The following PSEN2 variants were observed in gnomAD, a reference collection of about 807,000 sequenced individuals.
PSEN2 encodes presenilin-2.
In PSEN2, 32 loss-of-function variants were observed where a neutral mutation model predicts 49.1. That is an observed-to-expected ratio of 0.65 (90% CI 0.49 to 0.88). PSEN2 has a LOEUF of 0.88. PSEN2 is among the 40% of genes least tolerant of loss of function. The pLI, the probability that PSEN2 is intolerant of heterozygous loss-of-function variation, is 0.00. For synonymous variants in PSEN2, 255 were observed against 244.0 expected (o/e 1.05, Z -0.42); for missense variants, 522 against 586.9 (o/e 0.89, Z 1.14).
intron 5 of PSEN2, 59 bp downstream of exon 5, chr1:226,883,978 G>T: frequency 1.6e-6 from 2 of 1,279,198 alleles, no homozygotes; most frequent in Non-Finnish European, 1.1e-6. Flanking sequence ...CAGGGGGTGG[G>T]GGGCGCAGCA....
intron 12 of PSEN2, among the ~76,000 whole-genome samples, chr1:226,894,438 C>G (rs960827642): frequency 6.6e-6 from 1 of 152,254 alleles, no homozygotes; most frequent in Non-Finnish European, 1.5e-5. Context: ...TGATGATACC[C>G]TCGAGGTGGT....
In PSEN2 at chr1:226,885,747, C is replaced by G. The variant is rs541495335; in HGVS notation, c.498+68C>G. On this transcript the variant is annotated intron_variant, in intron 6 of 12. Transcript: ENST00000366783. ...TGCCCCACACCATGGCGGCAGGGCC[C>G]GTGAAACAGCCGCCTTTAGAAAAAC... 1.1e-4 allele frequency: 180 copies of G among 1,582,290 alleles called. 1 individual carries two copies. The African/African-American group carries it at 2.1e-3, about 18-fold the overall frequency.
At chr1:226,871,819 T>C (rs1660315252) in intron 2 of PSEN2, among the ~76,000 whole-genome samples, 2 of 152,244 alleles carry the variant, frequency 1.3e-5, no homozygotes, top group Admixed American at 6.5e-5. Context: ...GGTTCTTCTC[T>C]CCTGAATGTG....
intron 5 of PSEN2, chr1:226,884,718 A>G (rs1459796322): frequency 6.6e-6 from 1 of 152,048 alleles, no homozygotes; most frequent in Non-Finnish European, 1.5e-5. Context: ...GTTTGAGACC[A>G]GCCTGGGAAA....
At chr1:226,872,757 C>T (rs1042387980) in intron 2 of PSEN2, among the ~76,000 whole-genome samples, 9 of 152,210 alleles carry the variant, frequency 5.9e-5, no homozygotes, top group Non-Finnish European at 1.0e-4. Flanking sequence ...GTATTCCCAC[C>T]TGTTCTATTC....
chr1:226,900,627 G>A (rs1662286887), downstream of PSEN2, among the ~76,000 whole-genome samples: 2 of 152,202 alleles, frequency 1.3e-5, no homozygotes, highest in Non-Finnish European at 2.9e-5. Context: ...TGGTGGTAGG[G>A]AGGAAGGGTC....
At position 226,895,717 on chromosome 1, in the gene PSEN2, G is replaced by A. The variant is rs917857514; in HGVS notation, c.*138G>A. On this transcript the variant is annotated 3_prime_UTR_variant, in exon 13 of 13. Transcript: ENST00000366783. ...AAAGTACGTGTTTACTTGGTGAGGA[G>A]GAGGCAGAACCAGCTCTTTGGTGCC... 2.7e-6 allele frequency: 3 copies of A among 1,112,900 alleles called. No individual in the cohort carries two copies. Among genetic ancestry groups the A allele is most frequent in the Admixed American group, 2.2e-5 (1 of 45,290 alleles). 68.9% of individuals were successfully genotyped at this position (1,112,900 alleles called of 1,614,324 possible).
At chr1:226,880,337 A>T in intron 3 of PSEN2, 1 of 406,186 alleles carries the variant, frequency 2.5e-6, no homozygotes, top group Non-Finnish European at 4.3e-6. Flanking sequence ...TGATTGCACC[A>T]CTGTACTCCA....
downstream of PSEN2, among the ~76,000 whole-genome samples, chr1:226,897,108 G>C (rs998209337): frequency 1.3e-5 from 2 of 152,140 alleles, no homozygotes; most frequent in Admixed American, 1.3e-4. Context: ...GACCTGGGAT[G>C]GGGGGCATTG....
chr1:226,878,661 G>T (rs889503898), intron 3 of PSEN2, among the ~76,000 whole-genome samples: 26 of 152,142 alleles, frequency 1.7e-4, no homozygotes, highest in African/African-American at 6.0e-4. Context: ...TCCCAGAACT[G>T]CTCCTCCAGT....
At chr1:226,891,882 C>T (rs372305083) in intron 11 of PSEN2, 38 bp downstream of exon 11, 15 of 1,576,050 alleles carry the variant, frequency 9.5e-6, no homozygotes, top group East Asian at 4.5e-5. Context: ...CTTCAGCCTA[C>T]GGCGGGAGCG....
intron 6 of PSEN2, among the ~76,000 whole-genome samples, chr1:226,886,021 A>G (rs1661342687): frequency 6.6e-6 from 1 of 152,092 alleles, no homozygotes; most frequent in Non-Finnish European, 1.5e-5. Flanking sequence ...TTGCACCACC[A>G]TACCTGGCTA....
At chr1:226,900,753 T>C (rs2102704271), downstream of PSEN2, among the ~76,000 whole-genome samples, 1 of 152,126 alleles carries the variant, frequency 6.6e-6, no homozygotes, top group East Asian at 1.9e-4. Context: ...GCCAACTGAA[T>C]ATAAGCAGAA....
At chr1:226,891,234 A>G in intron 9 of PSEN2, 44 bp from the exon 10 acceptor site, 1 of 1,573,350 alleles carries the variant, frequency 6.4e-7, no homozygotes, top group Non-Finnish European at 8.7e-7. Flanking sequence ...GCAGGCAGCC[A>G]CTGTTAGCAC....
At chr1:226,889,098 C>A (rs371616577) in intron 8 of PSEN2, 49 bp downstream of exon 8, 1 of 1,522,976 alleles carries the variant, frequency 6.6e-7, no homozygotes, top group Non-Finnish European at 9.0e-7. Flanking sequence ...ATGTCCAGGG[C>A]CAAATCGTCC....
chr1:226,877,296 G>T (rs1052663717), intron 3 of PSEN2, among the ~76,000 whole-genome samples: 2 of 152,238 alleles, frequency 1.3e-5, no homozygotes, highest in South Asian at 2.1e-4. Flanking sequence ...TAGCAGAGTG[G>T]TGAAGAGTCC....
At chr1:226,891,922 T>G in intron 11 of PSEN2, 78 bp downstream of exon 11, 4 of 1,348,456 alleles carry the variant, frequency 3.0e-6, no homozygotes, top group Non-Finnish European at 4.2e-6. Context: ...CCCTGCAGCC[T>G]GGGTGGAGGA....
rs1415255612 is a variant in PSEN2, at chr1:226,882,067, T to TG, written c.141+24dup. The TG allele has an allele frequency of 1.1e-5, 18 of 1,613,330 alleles. No homozygotes were observed. Among genetic ancestry groups the TG allele is most frequent in the Admixed American group, 1.7e-5 (1 of 59,992 alleles). On this transcript the variant is annotated intron_variant, in intron 4 of 12. Coordinates refer to ENST00000366783, the MANE Select transcript of PSEN2 (RefSeq NM_000447.3). ...CCAGTGGGTAGGTCCCACCAGCAGC[T>TG]GGGGGCCTTCAAACAGGTCCCTGCG...
intron 12 of PSEN2, among the ~76,000 whole-genome samples, chr1:226,894,659 A>G (rs1182659197): frequency 1.2e-4 from 18 of 152,216 alleles, no homozygotes; most frequent in Admixed American, 1.2e-3. Flanking sequence ...GATACACATA[A>G]TGGGGAGACG....
Sources: gnomAD v4.1 joint callset for allele counts (sites outside exome capture counted in the v4.1 genomes callset) on GRCh38, gnomAD v4.1.1 for gene constraint, MANE v1.5 for transcripts, NCBI Gene and HGNC (gene_info 2026-07-23, HGNC 2026-07-21) for gene names.